Variants in PRORP observed in about 807,000 individuals in gnomAD.
The protein encoded by PRORP is mitochondrial ribonuclease P catalytic subunit.
In PRORP, 51 loss-of-function variants were observed where a neutral mutation model predicts 59.4. The ratio of observed to expected loss-of-function variants is 0.86; its 90% CI spans 0.69 to 1.08. The LOEUF is 1.08. Among genes scored for constraint, PRORP ranks in the 50% least tolerant of loss-of-function variants. The pLI is 0.00. For missense variants in PRORP, 646 were observed against 690.3 expected (o/e 0.94, Z 0.72); for synonymous variants, 231 against 245.6 (o/e 0.94, Z 0.55).
intron 4 of PRORP, among the ~76,000 whole-genome samples, chr14:35,153,227 A>G (rs1252923323): frequency 6.6e-6 from 1 of 152,204 alleles, no homozygotes; most frequent in African/African-American, 2.4e-5. Flanking sequence ...GTCTCCACCA[A>G]AAAAATACAA....
rs559039322 is a variant in PRORP, at chr14:35,135,714, C to G, written c.1167+8103C>G. 5.9e-5 allele frequency among the ~76,000 whole-genome samples: 9 copies of G among 152,248 alleles called. No homozygotes were observed. In the South Asian group the frequency reaches 1.9e-3, roughly 32 times the overall value. ...GTGGCTTATGCCTGTAATCCCAGCA[C>G]TTTGGGTGGCCGAGGCGGGCAGATC... On this transcript the variant is annotated intron_variant, in intron 4 of 7. Transcript: ENST00000534898.
At chr14:35,169,684 G>A (rs1205340131) in intron 4 of PRORP, among the ~76,000 whole-genome samples, 2 of 148,978 alleles carry the variant, frequency 1.3e-5, no homozygotes, top group Non-Finnish European at 3.0e-5. Flanking sequence ...CTTTTTACCA[G>A]GTCTTCCCTT....
At chr14:35,263,221 C>G (rs555410502) in intron 5 of PRORP, among the ~76,000 whole-genome samples, 1 of 152,216 alleles carries the variant, frequency 6.6e-6, no homozygotes, top group Admixed American at 6.5e-5. Flanking sequence ...GTCATTTGTT[C>G]TTTCATTTTT....
At chr14:35,254,327 A>T (rs930557692) in intron 5 of PRORP, among the ~76,000 whole-genome samples, 1 of 152,100 alleles carries the variant, frequency 6.6e-6, no homozygotes, top group Non-Finnish European at 1.5e-5. Flanking sequence ...TGCAGTCCAC[A>T]ATTTTGATCT....
chr14:35,236,647 A>G (rs1445118741), intron 5 of PRORP, among the ~76,000 whole-genome samples: 1 of 152,108 alleles, frequency 6.6e-6, no homozygotes, highest in East Asian at 1.9e-4. Flanking sequence ...GTGACTTCAC[A>G]TTCTTATCCT....
chr14:35,172,427 TC>T, intron 4 of PRORP, among the ~76,000 whole-genome samples: 2 of 69,498 alleles, frequency 2.9e-5, no homozygotes, highest in Admixed American at 1.5e-4. Context: ...CTTCCTTCCT[TC>T]CTTCCTTCCT....
intron 5 of PRORP, among the ~76,000 whole-genome samples, chr14:35,218,537 TTTTTG>T (rs1317013887): frequency 0.13 from 7,550 of 60,296 alleles, 305 homozygotes; most frequent in South Asian, 0.15. Context: ...TTTTTTTTTT[TTTTTG>T]TTGAGACAGA....
In PRORP at chr14:35,273,418, T is replaced by C; in HGVS notation, c.1621-17T>C. 1 of 1,595,560 alleles carries C rather than the reference T, an allele frequency of 6.3e-7. No homozygotes were observed. Among genetic ancestry groups the C allele is most frequent in the Non-Finnish European group, 8.5e-7 (1 of 1,172,648 alleles). On this transcript the variant is annotated splice_polypyrimidine_tract_variant and intron_variant, in intron 7 of 7. Transcript: ENST00000534898. ...TAGTGTTGTTCTCAATGTTTTGTTC[T>C]CTTTTTAATTCAACAGCGTATTCTC...
At position 35,199,259 on chromosome 14, in the gene PRORP, C is replaced by T. The variant is rs184450886; in HGVS notation, c.1275+18482C>T. Reference sequence around the variant, plus strand: ...CTGAGGCAGGAGAATCGCTTGAACCCGGAAGGCGGATGTTGCAGTAAGCCG... The same window carrying T: ...CTGAGGCAGGAGAATCGCTTGAACCTGGAAGGCGGATGTTGCAGTAAGCCG... On this transcript the variant is annotated intron_variant, in intron 5 of 7. Coordinates refer to ENST00000534898, the MANE Select transcript of PRORP (RefSeq NM_014672.4). 1.8e-3 allele frequency among the ~76,000 whole-genome samples: 279 copies of T among 151,274 alleles called. 1 individual carries two copies. Among genetic ancestry groups the T allele is most frequent in the Middle Eastern group, 3.4e-3 (1 of 294 alleles).
At chr14:35,172,196 C>G (rs2048327017) in intron 4 of PRORP, among the ~76,000 whole-genome samples, 1 of 150,962 alleles carries the variant, frequency 6.6e-6, no homozygotes, top group Non-Finnish European at 1.5e-5. Flanking sequence ...TTACAGGTGC[C>G]CACCACCACA....
chr14:35,174,806 G>C (rs1566476198), intron 4 of PRORP, among the ~76,000 whole-genome samples: 2 of 148,560 alleles, frequency 1.3e-5, no homozygotes, highest in African/African-American at 5.0e-5. Flanking sequence ...CAATGTGCAG[G>C]TTTGTATACA....
At chr14:35,272,543 TATTA>T (rs1203097457) in intron 7 of PRORP, among the ~76,000 whole-genome samples, 2 of 152,230 alleles carry the variant, frequency 1.3e-5, no homozygotes, top group African/African-American at 4.8e-5. Context: ...GTTGAAGAAC[TATTA>T]ATTCTTAAGT....
intron 5 of PRORP, among the ~76,000 whole-genome samples, chr14:35,246,260 T>G (rs2050481243): frequency 6.6e-6 from 1 of 152,194 alleles, no homozygotes; most frequent in Non-Finnish European, 1.5e-5. Context: ...GGGGAGATGT[T>G]CGTTGGTTAT....
intron 4 of PRORP, among the ~76,000 whole-genome samples, chr14:35,175,840 C>T (rs1037854063): frequency 9.3e-4 from 141 of 152,204 alleles, no homozygotes; most frequent in African/African-American, 3.3e-3. Context: ...AATGGTATTG[C>T]CTAGGTTTTC....
chr14:35,227,757 T>A (rs2049971493), intron 5 of PRORP, among the ~76,000 whole-genome samples: 1 of 152,192 alleles, frequency 6.6e-6, no homozygotes, highest in African/African-American at 2.4e-5. Context: ...AAAATTTTAG[T>A]TTAAAATTAT....
intron 4 of PRORP, among the ~76,000 whole-genome samples, chr14:35,171,548 C>CT (rs2048312715): frequency 6.6e-6 from 1 of 151,972 alleles, no homozygotes; most frequent in African/African-American, 2.4e-5. Context: ...GTTATGTATC[C>CT]TTTTTTTCTG....
At chr14:35,198,222 A>T (rs2049055376) in intron 5 of PRORP, among the ~76,000 whole-genome samples, 1 of 152,242 alleles carries the variant, frequency 6.6e-6, no homozygotes. Flanking sequence ...TTAAATAGAA[A>T]CAAATTGTTC....
intron 5 of PRORP, among the ~76,000 whole-genome samples, chr14:35,211,710 C>A (rs1469738822): frequency 6.6e-6 from 1 of 152,092 alleles, no homozygotes; most frequent in Non-Finnish European, 1.5e-5. Flanking sequence ...ATCATCTGAG[C>A]CTTCAGGGCA....
At chr14:35,124,307 GC>G in intron 2 of PRORP, 76 bp downstream of exon 2, 1 of 988,384 alleles carries the variant, frequency 1.0e-6, no homozygotes, top group Non-Finnish European at 1.4e-6. Context: ...TTGCTCTGTT[GC>G]CCAGACTGGA....
Sources: gnomAD v4.1 joint callset for allele counts (sites outside exome capture counted in the v4.1 genomes callset) on GRCh38, gnomAD v4.1.1 for gene constraint, MANE v1.5 for transcripts, NCBI Gene and HGNC (gene_info 2026-07-23, HGNC 2026-07-21) for gene names.